ILDR1: variants seen among roughly 807,000 people sequenced by gnomAD.
The protein encoded by ILDR1 is immunoglobulin like domain containing receptor 1, also known as immunoglobulin-like domain-containing receptor 1.
Under a neutral mutation model 62.4 loss-of-function variants are expected in ILDR1, and 56 were observed. That is an observed-to-expected ratio of 0.90 (90% CI 0.72 to 1.12). The LOEUF is 1.12. Ranked by LOEUF, ILDR1 falls within the 50% of genes most tolerant of loss-of-function variation. The pLI is 0.00. For synonymous variants in ILDR1, 284 were observed against 277.8 expected, an observed-to-expected ratio of 1.02 and a Z score of -0.22; for missense variants, 736 against 710.6, an observed-to-expected ratio of 1.04 and a Z score of -0.41.
In ILDR1 at chr3:121,993,457, C is replaced by T. The variant is rs794727852; in HGVS notation, c.1292G>A (p.Arg431His). 36 of 1,614,124 alleles carry T rather than the reference C, an allele frequency of 2.2e-5. No individual in the cohort carries two copies. Among genetic ancestry groups the T allele is most frequent in the Non-Finnish European group, 2.8e-5 (33 of 1,180,014 alleles). ...LSDVPSSSEA[R>H]WRPSHPPFRS... ...GAAAGGAGGGTGGCTCGGCCGCCAG[C>T]GTGCCTCACTGGATGAGGGGACATC... The change falls in exon 7 of 8, where the codon CGC (arginine) becomes CAC (histidine). Residue 431 changes from arginine to histidine, a missense_variant. Arg to His is a conservative substitution (Grantham distance 29). Coordinates refer to ENST00000344209, the MANE Select transcript of ILDR1 (RefSeq NM_001199799.2).
At chr3:121,999,505 G>T (rs2071485605) in intron 5 of ILDR1, among the ~76,000 whole-genome samples, 1 of 152,100 alleles carries the variant, frequency 6.6e-6, no homozygotes, top group Non-Finnish European at 1.5e-5. Context: ...TTCTGTTATA[G>T]CTCTGTTTTA....
chr3:122,020,777 A>G (rs1283758043), intron 1 of ILDR1, among the ~76,000 whole-genome samples: 1 of 152,130 alleles, frequency 6.6e-6, no homozygotes. Context: ...AGGTTTAGTT[A>G]TTTCCCTGTG....
chr3:122,026,719 G>C (rs2071924308), upstream of ILDR1, among the ~76,000 whole-genome samples: 1 of 152,162 alleles, frequency 6.6e-6, no homozygotes, highest in African/African-American at 2.4e-5. Flanking sequence ...AAACAATCTG[G>C]AGTAAGGATA....
intron 1 of ILDR1, among the ~76,000 whole-genome samples, chr3:122,011,037 T>C (rs1200499007): frequency 6.6e-6 from 1 of 152,080 alleles, no homozygotes; most frequent in Non-Finnish European, 1.5e-5. Flanking sequence ...ATTCTTTAAA[T>C]AAAAGATAAT....
At chr3:122,011,629 C>T (rs72963399) in intron 1 of ILDR1, among the ~76,000 whole-genome samples, 2,002 of 131,866 alleles carry the variant, frequency 0.015, 41 homozygotes, top group African/African-American at 0.053. Flanking sequence ...AGACCTCAAA[C>T]GTCCACCCCC....
intron 1 of ILDR1, among the ~76,000 whole-genome samples, chr3:122,007,983 A>T (rs2071641716): frequency 6.6e-6 from 1 of 152,204 alleles, no homozygotes; most frequent in Non-Finnish European, 1.5e-5. Context: ...CTGTGGGCTC[A>T]GAGAAAAACG....
intron 7 of ILDR1, 61 bp downstream of exon 7, chr3:121,993,089 T>C (rs2071373595): frequency 7.4e-7 from 1 of 1,353,524 alleles, no homozygotes; most frequent in Non-Finnish European, 1.0e-6. Context: ...GCTGTGGTCA[T>C]GCCTGGCTGG....
At chr3:122,060,070 A>G in the ILDR1 span, among the ~76,000 whole-genome samples, 1 of 152,196 alleles carries the variant, frequency 6.6e-6, no homozygotes, top group Non-Finnish European at 1.5e-5. Context: ...CCACAGCCCC[A>G]GCAAACTAAT....
chr3:121,990,090 C>A (rs529934685), intron 7 of ILDR1, among the ~76,000 whole-genome samples: 18 of 152,220 alleles, frequency 1.2e-4, no homozygotes, highest in South Asian at 2.1e-4. Context: ...TGGAAGGTCA[C>A]CATCTAGAGG....
In ILDR1 at chr3:122,001,857, A is replaced by T; in HGVS notation, c.387T>A (p.Asp129Glu). 2 of 1,613,294 alleles carry T rather than the reference A, an allele frequency of 1.2e-6. No homozygotes were observed. The highest frequency in any genetic ancestry group is 1.7e-6 in the Non-Finnish European group (2 of 1,179,962). ...QRKITIQNRA[D>E]LVINEVMWWD... ...ACCACATCACTTCATTTATCACGAGATCTGCTCCTACACAGTAAGGAGGGA... is the reference window on the plus strand; with the variant it reads ...ACCACATCACTTCATTTATCACGAGTTCTGCTCCTACACAGTAAGGAGGGA... The change falls in exon 4 of 8, where the codon GAT becomes GAA. Residue 129 changes from aspartate (D) to glutamate (E), a missense_variant. Coordinates refer to ENST00000344209, the MANE Select transcript of ILDR1 (RefSeq NM_001199799.2).
chr3:122,002,418 G>A (rs780468157), intron 3 of ILDR1, among the ~76,000 whole-genome samples: 3 of 152,060 alleles, frequency 2.0e-5, no homozygotes, highest in Admixed American at 6.6e-5. Flanking sequence ...CACATTCTGG[G>A]TCCCTTATCA....
chr3:121,994,956 A>C (rs1268605202), intron 5 of ILDR1, among the ~76,000 whole-genome samples: 6 of 152,096 alleles, frequency 3.9e-5, no homozygotes, highest in Non-Finnish European at 8.8e-5. Flanking sequence ...AAGTATTGAG[A>C]TTGTCCCTAA....
In ILDR1 at chr3:122,001,752, G is replaced by A. The variant is rs12630594; in HGVS notation, c.492C>T (p.Ile164=). The A allele has an allele frequency of 5.0e-6, 8 of 1,612,652 alleles. 1 individual carries two copies. In the South Asian group the frequency reaches 5.5e-5, roughly 11 times the overall value. ...SGDPDKEVKL[I]VLHWLTVIFI... is the part of the protein sequence containing the mutation. ...AGCTCCAGTAGCACTTACGTAGGAC[G>A]ATGAGCTTTACTTCCTTATCGGGGT... Residue 164 remains isoleucine, a synonymous_variant, in exon 4 of 8, where the codon ATC becomes ATT. Coordinates refer to ENST00000344209, the MANE Select transcript of ILDR1 (RefSeq NM_001199799.2).
intron 5 of ILDR1, among the ~76,000 whole-genome samples, chr3:121,998,837 C>T (rs1163519338): frequency 6.6e-6 from 1 of 152,170 alleles, no homozygotes; most frequent in East Asian, 1.9e-4. Flanking sequence ...GCCAATCCCA[C>T]AGTGATCCAC....
the ILDR1 span, among the ~76,000 whole-genome samples, chr3:122,036,093 T>A: frequency 6.6e-6 from 1 of 152,228 alleles, no homozygotes; most frequent in East Asian, 1.9e-4. Flanking sequence ...TCACCCTTAC[T>A]ATGCTTTAGC....
rs113277108 is a variant in ILDR1 at position 122,017,885 on chromosome 3, G to A, written c.58+4135C>T. Among the ~76,000 whole-genome samples, 233 of 152,266 alleles carry A rather than the reference G, an allele frequency of 1.5e-3. 1 individual carries two copies. The highest frequency in any genetic ancestry group is 2.6e-3 in the Non-Finnish European group (174 of 68,018). On this transcript the variant is annotated intron_variant, in intron 1 of 7. Coordinates refer to ENST00000344209, the MANE Select transcript of ILDR1 (RefSeq NM_001199799.2). ...TTAGAATGGTGATCATTAAAAGTCAGGAAACAACAGATGCGGGAGAGGTTG... is the reference window on the plus strand; with the variant it reads ...TTAGAATGGTGATCATTAAAAGTCAAGAAACAACAGATGCGGGAGAGGTTG...
chr3:122,002,589 T>C, intron 3 of ILDR1, among the ~76,000 whole-genome samples: 1 of 152,162 alleles, frequency 6.6e-6, no homozygotes, highest in East Asian at 1.9e-4. Flanking sequence ...GATAGATGAA[T>C]GGTTTATATA....
the ILDR1 span, among the ~76,000 whole-genome samples, chr3:122,042,202 T>G: frequency 1.2e-5 from 1 of 80,812 alleles, no homozygotes; most frequent in East Asian, 3.1e-4. Context: ...TTACTGAGAA[T>G]GATGATTTCC....
At chr3:121,994,131 C>A in intron 6 of ILDR1, 51 bp downstream of exon 6, 1 of 1,531,756 alleles carries the variant, frequency 6.5e-7, no homozygotes, top group South Asian at 1.2e-5. Flanking sequence ...AGCCCATGTT[C>A]CCGCCCTTGC....
Sources: allele counts gnomAD v4.1 joint callset (sites outside exome capture counted in the v4.1 genomes callset), GRCh38; gene constraint gnomAD v4.1.1; transcripts MANE v1.5; gene names NCBI Gene and HGNC (gene_info 2026-07-23, HGNC 2026-07-21).